Variants in POPDC3 observed in about 807,000 individuals in gnomAD.
POPDC3 encodes the protein popeye domain cAMP effector 3.
POPDC3 carries 20 observed loss-of-function variants against 28.2 expected under a neutral mutation model. The observed-to-expected ratio is 0.71, with a 90% CI of 0.50 to 1.03. POPDC3 has a LOEUF of 1.03. Among genes scored for constraint, POPDC3 ranks in the 50% least tolerant of loss-of-function variants. The pLI, the probability that POPDC3 is intolerant of heterozygous loss-of-function variation, is 0.00. For synonymous variants in POPDC3, 118 were observed against 124.1 expected, an observed-to-expected ratio of 0.95 and a Z score of 0.33; for missense variants, 316 against 345.9, an observed-to-expected ratio of 0.91 and a Z score of 0.69.
At chr6:105,166,303 C>T (rs578133934) in intron 1 of POPDC3, among the ~76,000 whole-genome samples, 247 of 152,300 alleles carry the variant, frequency 1.6e-3, no homozygotes, top group Non-Finnish European at 2.8e-3. Flanking sequence ...CAGGTCTTAA[C>T]ACCAGGTGTT....
chr6:105,171,864 A>T (rs1332650974), intron 1 of POPDC3, among the ~76,000 whole-genome samples: 1 of 150,986 alleles, frequency 6.6e-6, no homozygotes, highest in African/African-American at 2.4e-5. Context: ...ATTTTATTAT[A>T]TTAGAGATGG....
chr6:105,166,530 C>T (rs764352185), intron 1 of POPDC3: 1 of 470,268 alleles, frequency 2.1e-6, no homozygotes, highest in Non-Finnish European at 4.4e-6. Context: ...GGATTTTAAT[C>T]CTTGTTTTTA....
At chr6:105,168,384 C>A (rs538508761) in intron 1 of POPDC3, among the ~76,000 whole-genome samples, 55 of 152,336 alleles carry the variant, frequency 3.6e-4, no homozygotes, top group Admixed American at 3.6e-3. Flanking sequence ...TAGGCTGGAG[C>A]ATGCTTTTGA....
intron 1 of POPDC3, among the ~76,000 whole-genome samples, chr6:105,167,033 A>C (rs573169689): frequency 6.6e-6 from 1 of 152,132 alleles, no homozygotes; most frequent in African/African-American, 2.4e-5. Context: ...GCACAGGTAG[A>C]AAAACAGTGT....
intron 1 of POPDC3, among the ~76,000 whole-genome samples, chr6:105,171,641 A>G (rs1211335624): frequency 6.6e-6 from 1 of 151,966 alleles, no homozygotes; most frequent in African/African-American, 2.4e-5. Context: ...ACTGCACTCC[A>G]GCCTGAGCGA....
chr6:105,165,899 T>C (rs1190291), intron 1 of POPDC3, among the ~76,000 whole-genome samples: 140,532 of 152,220 alleles, frequency 0.92, 65,013 homozygotes, highest in Non-Finnish European at 0.96. Flanking sequence ...TTAGTTTTTT[T>C]GACTTGTCCT....
chr6:105,158,914 C>A, intron 3 of POPDC3, 163 bp from the exon 4 acceptor site: 1 of 542,058 alleles, frequency 1.8e-6, no homozygotes. Context: ...CTACAAAATT[C>A]GTTACTACAT....
chr6:105,167,735 A>G (rs1460538280), intron 1 of POPDC3, among the ~76,000 whole-genome samples: 1 of 125,584 alleles, frequency 8.0e-6, no homozygotes, highest in Admixed American at 9.0e-5. Flanking sequence ...CAACAGAGCG[A>G]GACTCAGCCT....
At chr6:105,176,440 T>C (rs1774683789) in intron 1 of POPDC3, among the ~76,000 whole-genome samples, 1 of 152,240 alleles carries the variant, frequency 6.6e-6, no homozygotes, top group Non-Finnish European at 1.5e-5. Flanking sequence ...TGTTCGTTTA[T>C]GTACAAAGTT....
Position 105,175,797 on chromosome 6 carries a change from G to A in POPDC3, c.-252+4036C>T, listed in dbSNP as rs142966402. Among the ~76,000 whole-genome samples the A allele has an allele frequency of 1.4e-3, 207 of 151,942 alleles. 1 individual carries two copies. Among genetic ancestry groups the A allele is most frequent in the African/African-American group, 4.4e-3 (184 of 41,440 alleles). On this transcript the variant is annotated intron_variant, in intron 1 of 3. Coordinates refer to ENST00000254765, the MANE Select transcript of POPDC3 (RefSeq NM_022361.5). ...GCGGAGGTTGCAGTGAGCTAAGATCGCACCACTGCACTCCAGCCTGGGGTG... is the reference window on the plus strand; with the variant it reads ...GCGGAGGTTGCAGTGAGCTAAGATCACACCACTGCACTCCAGCCTGGGGTG...
At chr6:105,167,332 G>A (rs529016358) in intron 1 of POPDC3, among the ~76,000 whole-genome samples, 27 of 152,306 alleles carry the variant, frequency 1.8e-4, no homozygotes, top group African/African-American at 6.5e-4. Context: ...TAAAGGGAGA[G>A]AGATTTAGCA....
Position 105,161,865 on chromosome 6 carries a change from G to T in POPDC3, c.45C>A (p.His15Gln). ...CTTGCTTCCAGGTTGTGCAGACTGG[G>T]TGTTCATCTATTAGGTTCTTCCATA... ...SSLWKNLIDEHPVCTTWKQEA... is the reference protein window; with the variant it reads ...SSLWKNLIDEQPVCTTWKQEA... Residue 15 changes from histidine (H) to glutamine (Q), a missense_variant, in exon 2 of 4, where the codon CAC becomes CAA. His to Gln is a conservative substitution (Grantham distance 24, BLOSUM62 0). Transcript: ENST00000254765. The T allele has an allele frequency of 1.9e-6, 3 of 1,612,058 alleles. No homozygotes were observed. The highest frequency in any genetic ancestry group is 1.7e-6 in the Non-Finnish European group (2 of 1,179,438).
chr6:105,175,062 G>A (rs1162771267), intron 1 of POPDC3, among the ~76,000 whole-genome samples: 1 of 151,966 alleles, frequency 6.6e-6, no homozygotes, highest in African/African-American at 2.4e-5. Flanking sequence ...AGCTACTCAG[G>A]AGGCTGAGGC....
Position 105,170,199 on chromosome 6 carries a change from A to C in POPDC3, c.-251-8039T>G, listed in dbSNP as rs544947104. 1.2e-4 allele frequency among the ~76,000 whole-genome samples: 18 copies of C among 152,170 alleles called. 1 individual carries two copies. Among genetic ancestry groups the C allele is most frequent in the Non-Finnish European group, 2.4e-4 (16 of 68,030 alleles). ...TTCTTCTGATTTCTCCATATCCTGG[A>C]AATGGTTAAAGGCATAAGCAGGAAG... On this transcript the variant is annotated intron_variant, in intron 1 of 3. Transcript: ENST00000254765.
intron 1 of POPDC3, among the ~76,000 whole-genome samples, chr6:105,172,942 C>T (rs537015845): frequency 1.4e-4 from 21 of 151,604 alleles, no homozygotes; most frequent in Admixed American, 5.2e-4. Flanking sequence ...TGCTAAATGA[C>T]GAGTCAATGG....
In POPDC3 at chr6:105,158,699, T is replaced by A. The variant is rs1238038017; in HGVS notation, c.647A>T (p.Lys216Ile). ...ATGCTGAGCAAAGAGCAGATATAAT[T>A]TCTTTCTCCTCCAAGACACATATCG... ...DCRYVSWRRK[K>I]LYLLFAQHRY... Residue 216 changes from lysine (K) to isoleucine (I), a missense_variant, in exon 4 of 4, where the codon AAA becomes ATA. Physicochemically the swap from Lys to Ile is moderately radical, Grantham distance 102. Coordinates refer to ENST00000254765, the MANE Select transcript of POPDC3 (RefSeq NM_022361.5). 1 of 1,614,064 alleles carries A rather than the reference T, an allele frequency of 6.2e-7. No homozygotes were observed. The highest frequency in any genetic ancestry group is 1.7e-5 in the Admixed American group (1 of 60,012).
chr6:105,162,304 G>A lies in POPDC3; in HGVS notation c.-251-144C>T, dbSNP rs1328600458. 2.4e-5 allele frequency: 6 copies of A among 249,226 alleles called. No individual in the cohort carries two copies. The East Asian group carries it at 7.6e-4, about 31-fold the overall frequency. The allele number at this position is 249,226 out of a possible 1,614,324, so 15.4% of individuals were successfully genotyped here. A position where few individuals can be genotyped will look rare whatever the true frequency, so the allele number is the denominator to read the frequency against. ...GTATTTTAAGCACAAATGCTGTTGG[G>A]TGTTAAATTTCTATGGTATAAAAAG... On this transcript the variant is annotated intron_variant, in intron 1 of 3. Transcript: ENST00000254765.
chr6:105,164,166 C>T (rs1352999798), intron 1 of POPDC3, among the ~76,000 whole-genome samples: 1 of 152,156 alleles, frequency 6.6e-6, no homozygotes, highest in African/African-American at 2.4e-5. Context: ...AAAAGATTTG[C>T]TAGTGGAGCT....
Position 105,158,465 on chromosome 6 carries a change from T to C in POPDC3, c.*5A>G. The C allele has an allele frequency of 2.5e-6, 4 of 1,593,846 alleles. No homozygotes were observed. The highest frequency in any genetic ancestry group is 3.4e-6 in the Non-Finnish European group (4 of 1,168,326). ...TTTTATACTTATAAATTTCAGACTTTGATGTCATTTATCACAGTATCGTCT... is the reference window on the plus strand; with the variant it reads ...TTTTATACTTATAAATTTCAGACTTCGATGTCATTTATCACAGTATCGTCT... On this transcript the variant is annotated 3_prime_UTR_variant, in exon 4 of 4. Coordinates refer to ENST00000254765, the MANE Select transcript of POPDC3 (RefSeq NM_022361.5).
Sources: gnomAD v4.1 joint callset for allele counts (sites outside exome capture counted in the v4.1 genomes callset) on GRCh38, gnomAD v4.1.1 for gene constraint, MANE v1.5 for transcripts, NCBI Gene and HGNC (gene_info 2026-07-23, HGNC 2026-07-21) for gene names.